The following TBC1D4 variants were observed in gnomAD, a reference collection of about 807,000 sequenced individuals.
TBC1D4 encodes TBC1 domain family member 4.
Under a neutral mutation model 142.5 loss-of-function variants are expected in TBC1D4, and 121 were observed. That is an observed-to-expected ratio of 0.85 (90% CI 0.73 to 0.99). The LOEUF (loss-of-function observed/expected upper bound fraction) is 0.99, where lower values mean the gene tolerates loss of function less well. Ranked by LOEUF, TBC1D4 falls within the 50% of genes least tolerant of loss-of-function variation. The probability of loss-of-function intolerance (pLI) is 0.00; values close to 1 mark genes in which losing one functional copy is unlikely to be tolerated. For synonymous variants in TBC1D4, 630 were observed against 628.2 expected, an observed-to-expected ratio of 1.00 and a Z score of -0.04; for missense variants, 1,475 against 1,606.6, an observed-to-expected ratio of 0.92 and a Z score of 1.40.
intron 1 of TBC1D4, among the ~76,000 whole-genome samples, chr13:75,424,595 A>G (rs1413418037): frequency 6.6e-6 from 1 of 152,200 alleles, no homozygotes; most frequent in Non-Finnish European, 1.5e-5. Context: ...AAGGCATCAC[A>G]CTACCTGATT....
At chr13:75,458,823 C>G (rs1887844663) in intron 1 of TBC1D4, among the ~76,000 whole-genome samples, 1 of 152,078 alleles carries the variant, frequency 6.6e-6, no homozygotes, top group Admixed American at 6.6e-5. Flanking sequence ...AAAGGCAAGT[C>G]AAGCCAGTGG....
In TBC1D4 at chr13:75,356,245, T is replaced by C; in HGVS notation, c.1177A>G (p.Lys393Glu). The change falls in exon 4 of 21, where the codon AAG becomes GAG. Residue 393 changes from lysine (K) to glutamate (E), a missense_variant. Lys to Glu is a moderately conservative substitution (Grantham distance 56). Coordinates refer to ENST00000377636, the MANE Select transcript of TBC1D4 (RefSeq NM_014832.5). ...KDISSCSQGI[K>E]HVDHFGFICR... The stretch of plus-strand genomic sequence containing the variant: ...ATAAAGCCAAAGTGATCCACATGCT[T>C]TATACCCTAGATGGAGGGGAAGAAG... 6.2e-7 allele frequency: 1 copy of C among 1,611,144 alleles called. No individual in the cohort carries two copies. Among genetic ancestry groups the C allele is most frequent in the South Asian group, 1.1e-5 (1 of 91,004 alleles).
chr13:75,405,272 T>TTC (rs911040291), intron 1 of TBC1D4, among the ~76,000 whole-genome samples: 3 of 148,854 alleles, frequency 2.0e-5, no homozygotes, highest in Non-Finnish European at 4.5e-5. Context: ...ATATATGCTT[T>TTC]TTTTTTTTTT....
chr13:75,461,846 T>C (rs923825997), intron 1 of TBC1D4, among the ~76,000 whole-genome samples: 16 of 152,216 alleles, frequency 1.1e-4, no homozygotes, highest in African/African-American at 3.6e-4. Flanking sequence ...CAATTGCAGA[T>C]CTCATGTCGG....
At chr13:75,327,966 TA>T (rs1271785759) in intron 8 of TBC1D4, 140 bp from the exon 9 acceptor site, 4 of 796,408 alleles carry the variant, frequency 5.0e-6, no homozygotes, top group Non-Finnish European at 8.6e-6. Flanking sequence ...TTGGCTTTAT[TA>T]ATAGTCATTA....
intron 3 of TBC1D4, 143 bp downstream of exon 3, chr13:75,359,626 G>C (rs1463741596): frequency 2.9e-6 from 2 of 685,180 alleles, no homozygotes; most frequent in Non-Finnish European, 4.9e-6. Flanking sequence ...GGAGCCCTTA[G>C]TTTAAGACAA....
intron 1 of TBC1D4, among the ~76,000 whole-genome samples, chr13:75,390,835 T>C (rs1481798657): frequency 1.0e-5 from 1 of 96,920 alleles, no homozygotes; most frequent in Non-Finnish European, 1.8e-5. Context: ...GATAGATAGA[T>C]AAGGAAGGAA....
At chr13:75,400,164 G>A (rs1885012052) in intron 1 of TBC1D4, among the ~76,000 whole-genome samples, 1 of 152,172 alleles carries the variant, frequency 6.6e-6, no homozygotes, top group African/African-American at 2.4e-5. Flanking sequence ...GAATTGTTAT[G>A]TACCCTAGAA....
intron 1 of TBC1D4, among the ~76,000 whole-genome samples, chr13:75,412,378 G>T (rs936304688): frequency 2.6e-5 from 4 of 152,122 alleles, no homozygotes; most frequent in Admixed American, 6.5e-5. Flanking sequence ...GACCTCTTGG[G>T]CTCCAGTGAT....
In TBC1D4 at chr13:75,362,581, C is replaced by T; in HGVS notation, c.525G>A (p.Arg175=). 6.2e-7 allele frequency: 1 copy of T among 1,614,064 alleles called. No homozygotes were observed. Among genetic ancestry groups the T allele is most frequent in the Non-Finnish European group, 8.5e-7 (1 of 1,179,976 alleles). Residue 175 remains arginine (R), a synonymous_variant, in exon 2 of 21, where the codon AGG becomes AGA. Transcript: ENST00000377636. The surrounding 1 kb of genome is among the most constrained non-coding windows in gnomAD (Gnocchi z 4.2). ...SQVPDVISSI[R]QLSKAAMKED... ...CTTTCATGGCCGCTTTAGATAATTGCCTTATGCTGCTAATAACATCAGGAA... is the reference window on the plus strand; with the variant it reads ...CTTTCATGGCCGCTTTAGATAATTGTCTTATGCTGCTAATAACATCAGGAA...
chr13:75,434,308 C>T (rs1353684629), intron 1 of TBC1D4, among the ~76,000 whole-genome samples: 1 of 152,040 alleles, frequency 6.6e-6, no homozygotes, highest in Non-Finnish European at 1.5e-5. Context: ...AACATATATA[C>T]CATAGAATAC....
rs567599771 is a variant in TBC1D4, at chr13:75,448,784, T to C, written c.498+32486A>G. ...AATATTTTAGTAATGAGAAAGTAAA[T>C]CAATATATACAAATAGGCAGTTTTC... is the stretch of plus-strand genomic sequence containing the variant. On this transcript the variant is annotated intron_variant, in intron 1 of 20. Coordinates refer to ENST00000377636, the MANE Select transcript of TBC1D4 (RefSeq NM_014832.5). 5.3e-5 allele frequency among the ~76,000 whole-genome samples: 8 copies of C among 152,026 alleles called. No homozygotes were observed. In the East Asian group the frequency reaches 1.4e-3, roughly 26 times the overall value.
At chr13:75,355,430 C>T (rs1470528462) in intron 4 of TBC1D4, among the ~76,000 whole-genome samples, 1 of 152,184 alleles carries the variant, frequency 6.6e-6, no homozygotes, top group African/African-American at 2.4e-5. Flanking sequence ...TATGTCCAAG[C>T]CTGCCTTACA....
chr13:75,303,772 T>C (rs1391200970), intron 15 of TBC1D4, among the ~76,000 whole-genome samples: 1 of 152,192 alleles, frequency 6.6e-6, no homozygotes, highest in African/African-American at 2.4e-5. Flanking sequence ...CAAACTACCT[T>C]TTTAAGCACC....
intron 10 of TBC1D4, among the ~76,000 whole-genome samples, chr13:75,325,226 A>G (rs1196490277): frequency 2.0e-5 from 3 of 151,650 alleles, no homozygotes; most frequent in Non-Finnish European, 1.5e-5. Context: ...CTTTACACAC[A>G]CAGCAAAAAA....
chr13:75,294,909 C>T lies in TBC1D4; in HGVS notation c.3261G>A (p.Trp1087Ter). The change falls in exon 18 of 21, where the codon TGG (tryptophan) becomes TGA (stop). Residue 1087 changes from tryptophan (W) to a stop codon, truncating the protein, a stop_gained. Coordinates refer to ENST00000377636, the MANE Select transcript of TBC1D4 (RefSeq NM_014832.5). LOFTEE classifies it high-confidence loss of function. ...EISPSLYAAPWFLTLFASQFS... is the reference protein window; with the variant it reads ...EISPSLYAAP ...ACTGAGAGGCAAACAATGTGAGGAACCAGGGGGCAGCATAAAGACTGGGGC... is the reference window on the plus strand; with the variant it reads ...ACTGAGAGGCAAACAATGTGAGGAATCAGGGGGCAGCATAAAGACTGGGGC... 6.2e-7 allele frequency: 1 copy of T among 1,613,888 alleles called. No individual in the cohort carries two copies. Among genetic ancestry groups the T allele is most frequent in the Non-Finnish European group, 8.5e-7 (1 of 1,179,914 alleles).
rs372617227 is a variant in TBC1D4, at chr13:75,324,393, G to A, written c.2042C>T (p.Ser681Leu). 7.4e-6 allele frequency: 12 copies of A among 1,613,876 alleles called. No homozygotes were observed. Among genetic ancestry groups the A allele is most frequent in the Admixed American group, 3.3e-5 (2 of 60,008 alleles). ...CTCCTTGTACATGCGTCGAACTGAC[G>A]AAAGATTGCTGAGTACAGAAAATAC... is the stretch of plus-strand genomic sequence containing the variant. ...QSSSEQCSNL[S>L]SVRRMYKESN... The change falls in exon 11 of 21, where the codon TCG becomes TTG. Residue 681 changes from serine to leucine, a missense_variant. Ser to Leu is a moderately radical substitution (Grantham distance 145). Around this residue, in one of 2 missense-constraint regions of TBC1D4, gnomAD observed 1,227 missense variants for 1,267.7 expected, o/e 0.97. Transcript: ENST00000377636.
intron 12 of TBC1D4, among the ~76,000 whole-genome samples, chr13:75,315,095 T>C (rs1304938094): frequency 6.6e-6 from 1 of 151,816 alleles, no homozygotes; most frequent in East Asian, 1.9e-4. Context: ...TCACTTGAGG[T>C]CAAGAGTTTG....
chr13:75,303,022 A>G lies in TBC1D4; in HGVS notation c.2753-621T>C, dbSNP rs75461673. Among the ~76,000 whole-genome samples, 103 of 152,352 alleles carry G rather than the reference A, an allele frequency of 6.8e-4. 1 individual carries two copies. The East Asian group carries it at 0.019, about 28-fold the overall frequency. Reference sequence around the variant, plus strand: ...AAATAGCATTCTTATATGGGCATTAAAAATGAAAGAATAGGCCAGGTACGG... The same window carrying G: ...AAATAGCATTCTTATATGGGCATTAGAAATGAAAGAATAGGCCAGGTACGG... On this transcript the variant is annotated intron_variant, in intron 15 of 20. Transcript: ENST00000377636.
Sources: allele counts gnomAD v4.1 joint callset (sites outside exome capture counted in the v4.1 genomes callset), GRCh38; gene constraint gnomAD v4.1.1; regional missense constraint gnomAD v4.1.1; non-coding constraint Gnocchi (gnomAD v3.1); transcripts MANE v1.5; gene names NCBI Gene and HGNC (gene_info 2026-07-23, HGNC 2026-07-21).